SIL1: variants seen among roughly 807,000 people sequenced by gnomAD.
SIL1 encodes the protein nucleotide exchange factor SIL1.
SIL1 carries 40 observed loss-of-function variants against 49.1 expected under a neutral mutation model. The observed-to-expected ratio is 0.81, with a 90% CI of 0.63 to 1.06. The LOEUF (loss-of-function observed/expected upper bound fraction) is 1.06. Ranked by LOEUF, SIL1 falls within the 50% of genes least tolerant of loss-of-function variation. SIL1 has a pLI of 0.00. For synonymous variants in SIL1, 253 were observed against 250.8 expected (o/e 1.01, Z -0.08); for missense variants, 500 against 572.6 (o/e 0.87, Z 1.29).
Position 138,951,322 on chromosome 5 carries a change from A to G in SIL1, c.878T>C (p.Leu293Pro), listed in dbSNP as rs1411241174. 6.4e-7 allele frequency: 1 copy of G among 1,554,806 alleles called. No homozygotes were observed. Among genetic ancestry groups the G allele is most frequent in the Non-Finnish European group, 8.7e-7 (1 of 1,148,750 alleles). ...LTAKKKVLFA[L>P]CSLLRHFPYA... ...GGGGAAGTGGCGCAGCAGGGAGCAC[A>G]GTGCAAACAGGACCTGGGGGCACAG... Residue 293 changes from leucine (L) to proline (P), a missense_variant, in exon 9 of 10, where the codon CTG becomes CCG. Physicochemically the swap from Leu to Pro is moderately conservative, Grantham distance 98. Coordinates refer to ENST00000394817, the MANE Select transcript of SIL1 (RefSeq NM_022464.5).
At chr5:139,091,849 A>G (rs576689708) in intron 3 of SIL1, among the ~76,000 whole-genome samples, 8 of 152,302 alleles carry the variant, frequency 5.3e-5, no homozygotes, top group African/African-American at 1.4e-4. Context: ...AATAAATGAG[A>G]CGGTGTTTGA....
At chr5:138,961,863 T>C (rs978375151) in intron 7 of SIL1, among the ~76,000 whole-genome samples, 1 of 152,098 alleles carries the variant, frequency 6.6e-6, no homozygotes, top group Non-Finnish European at 1.5e-5. Flanking sequence ...CCTCTGAAAT[T>C]TACTTTCCCT....
chr5:139,039,518 A>G lies in SIL1; in HGVS notation c.453+3102T>C, dbSNP rs934582782. Among the ~76,000 whole-genome samples the G allele has an allele frequency of 5.3e-5, 8 of 152,310 alleles. No individual in the cohort carries two copies. In the East Asian group the frequency reaches 1.5e-3, roughly 29 times the overall value. ...AAAATCTGCACCAGTTGACATTTTC[A>G]GGATGTGGGATTTGCCAACACTCAG... On this transcript the variant is annotated intron_variant, in intron 5 of 9. Coordinates refer to ENST00000394817, the MANE Select transcript of SIL1 (RefSeq NM_022464.5).
intron 7 of SIL1, among the ~76,000 whole-genome samples, chr5:138,953,796 G>T (rs972735132): frequency 2.0e-5 from 3 of 152,202 alleles, no homozygotes; most frequent in African/African-American, 4.8e-5. Flanking sequence ...GAGGGTCCAG[G>T]AAGAGAAGAC....
intron 1 of SIL1, among the ~76,000 whole-genome samples, chr5:139,174,258 G>A (rs910197767): frequency 2.0e-5 from 3 of 152,166 alleles, no homozygotes; most frequent in African/African-American, 7.2e-5. Context: ...CTAGCACTTT[G>A]GGAGGCCAAG....
At chr5:139,042,563 G>A in intron 5 of SIL1, 57 bp downstream of exon 5, 1 of 1,421,310 alleles carries the variant, frequency 7.0e-7, no homozygotes, top group Non-Finnish European at 1.0e-6. Flanking sequence ...TCCATTCTCT[G>A]CAAAGACAAC....
intron 3 of SIL1, among the ~76,000 whole-genome samples, chr5:139,074,910 C>T (rs545437328): frequency 1.8e-4 from 28 of 152,234 alleles, no homozygotes; most frequent in East Asian, 1.7e-3. Context: ...ACTGCACCTC[C>T]GCCTCCCGGA....
intron 3 of SIL1, among the ~76,000 whole-genome samples, chr5:139,086,286 A>AAAG (rs70982744): frequency 0.25 from 36,306 of 144,740 alleles, 5,419 homozygotes; most frequent in Middle Eastern, 0.37. Context: ...AAAAAAAAAA[A>AAAG]AAGAAGAAGA....
At chr5:139,064,013 T>C (rs1288886829) in intron 3 of SIL1, among the ~76,000 whole-genome samples, 1 of 152,220 alleles carries the variant, frequency 6.6e-6, no homozygotes. Context: ...AAAAGCAAAG[T>C]GCCAAGATAT....
At chr5:139,117,338 C>T (rs1212802444) in intron 3 of SIL1, among the ~76,000 whole-genome samples, 1 of 152,192 alleles carries the variant, frequency 6.6e-6, no homozygotes, top group East Asian at 1.9e-4. Flanking sequence ...CTGAGTCCTT[C>T]CTTCTGAGAC....
intron 3 of SIL1, among the ~76,000 whole-genome samples, chr5:139,073,101 G>C (rs1401111203): frequency 5.3e-5 from 8 of 152,206 alleles, no homozygotes; most frequent in Admixed American, 1.3e-4. Context: ...GTACACTGCT[G>C]ATGGGAATGT....
intron 4 of SIL1, among the ~76,000 whole-genome samples, chr5:139,046,264 T>C (rs958607575): frequency 6.6e-6 from 1 of 151,920 alleles, no homozygotes; most frequent in Non-Finnish European, 1.5e-5. Flanking sequence ...GAGGCGGAGG[T>C]TGCAGTGAGC....
chr5:139,019,364 T>G (rs771918868), intron 7 of SIL1, among the ~76,000 whole-genome samples: 3 of 152,182 alleles, frequency 2.0e-5, no homozygotes, highest in African/African-American at 7.2e-5. Context: ...GACATTTCCA[T>G]GGTGTTTGGG....
In SIL1 at chr5:138,953,736, T is replaced by C. The variant is rs563030322; in HGVS notation, c.768-1852A>G. Among the ~76,000 whole-genome samples the C allele has an allele frequency of 4.6e-5, 7 of 152,268 alleles. 1 individual carries two copies. In the South Asian group the frequency reaches 1.5e-3, roughly 32 times the overall value. Reference sequence around the variant, plus strand: ...GCTGTTTCATCAAAGCATGAGCTAATTAGGGCTGTCTCTGCCATCATGTGC... The same window carrying C: ...GCTGTTTCATCAAAGCATGAGCTAACTAGGGCTGTCTCTGCCATCATGTGC... On this transcript the variant is annotated intron_variant, in intron 7 of 9. Transcript: ENST00000394817.
At chr5:138,959,800 G>A (rs1346689895) in intron 7 of SIL1, among the ~76,000 whole-genome samples, 1 of 152,228 alleles carries the variant, frequency 6.6e-6, no homozygotes, top group Non-Finnish European at 1.5e-5. Flanking sequence ...GGGCCTGGCT[G>A]CCTCTGCCCC....
intron 3 of SIL1, among the ~76,000 whole-genome samples, chr5:139,120,311 G>T (rs1317821561): frequency 6.6e-6 from 1 of 152,014 alleles, no homozygotes; most frequent in South Asian, 2.1e-4. Context: ...CAGGCTCTGG[G>T]GTCAATGGCA....
chr5:139,018,105 CTT>C (rs1161523573), intron 7 of SIL1, among the ~76,000 whole-genome samples: 8 of 152,086 alleles, frequency 5.3e-5, no homozygotes, highest in Non-Finnish European at 8.8e-5. Context: ...TTTAAATAAA[CTT>C]TATTTCAGTG....
chr5:139,170,246 G>T (rs1751723199), intron 1 of SIL1, among the ~76,000 whole-genome samples: 1 of 152,108 alleles, frequency 6.6e-6, no homozygotes, highest in Non-Finnish European at 1.5e-5. Context: ...GCCTGCCTTG[G>T]CCTCCCAAAG....
At chr5:139,187,609 A>G (rs1356008720) in intron 1 of SIL1, 1 of 152,208 alleles carries the variant, frequency 6.6e-6, no homozygotes, top group Non-Finnish European at 1.5e-5. Flanking sequence ...TCAGAGGACC[A>G]CGTGGATCAG....
Sources: gnomAD v4.1 joint callset for allele counts (sites outside exome capture counted in the v4.1 genomes callset) on GRCh38, gnomAD v4.1.1 for gene constraint, MANE v1.5 for transcripts, NCBI Gene and HGNC (gene_info 2026-07-23, HGNC 2026-07-21) for gene names.